The following SLC17A1 variants were observed in gnomAD, a reference collection of about 807,000 sequenced individuals.
SLC17A1 encodes the protein solute carrier family 17 member 1.
A neutral mutation model predicts 53.5 loss-of-function variants in SLC17A1; 51 were observed. That is an observed-to-expected ratio of 0.95 (90% CI 0.76 to 1.20). SLC17A1 has a LOEUF of 1.20. Ranked by LOEUF, SLC17A1 falls within the 50% of genes most tolerant of loss-of-function variation. The pLI is 0.00. For synonymous variants in SLC17A1, 179 were observed against 198.8 expected, an observed-to-expected ratio of 0.90 and a Z score of 0.84; for missense variants, 538 against 568.2, an observed-to-expected ratio of 0.95 and a Z score of 0.54.
At chr6:25,801,534 C>T (rs1763760463) in intron 10 of SLC17A1, among the ~76,000 whole-genome samples, 1 of 152,206 alleles carries the variant, frequency 6.6e-6, no homozygotes, top group African/African-American at 2.4e-5. Flanking sequence ...TCAAACCCAT[C>T]AGCCATGAAG....
At chr6:25,773,339 T>A in the SLC17A1 span, 1 of 1,614,020 alleles carries the variant, frequency 6.2e-7, no homozygotes, top group Non-Finnish European at 8.5e-7. Flanking sequence ...CTGTGAATCA[T>A]CCCTTTATCA....
intron 12 of SLC17A1, among the ~76,000 whole-genome samples, chr6:25,792,308 T>C (rs541164871): frequency 6.6e-6 from 1 of 152,316 alleles, no homozygotes; most frequent in Non-Finnish European, 1.5e-5. Context: ...TTTCCATTTT[T>C]TATTTACATA....
At chr6:25,775,638 G>C in the SLC17A1 span, among the ~76,000 whole-genome samples, 1 of 151,960 alleles carries the variant, frequency 6.6e-6, no homozygotes, top group South Asian at 2.1e-4. Flanking sequence ...ATATTGGCTA[G>C]GCTGGTCTCG....
chr6:25,734,439 G>C, the SLC17A1 span, among the ~76,000 whole-genome samples: 1 of 152,062 alleles, frequency 6.6e-6, no homozygotes, highest in Non-Finnish European at 1.5e-5. Context: ...CAAATATCAG[G>C]CTTCTTCTTA....
chr6:25,740,517 A>T, the SLC17A1 span, among the ~76,000 whole-genome samples: 3 of 152,322 alleles, frequency 2.0e-5, no homozygotes, highest in Non-Finnish European at 4.4e-5. Context: ...GGGTGGTTTA[A>T]AATTACAATA....
At chr6:25,726,807 G>A in the SLC17A1 span, 41 of 1,381,204 alleles carry the variant, frequency 3.0e-5, no homozygotes, top group African/African-American at 4.3e-5. Context: ...TTGGAGCTGA[G>A]GTCATTTGGA....
At chr6:25,747,602 A>G in the SLC17A1 span, among the ~76,000 whole-genome samples, 1 of 152,222 alleles carries the variant, frequency 6.6e-6, no homozygotes, top group African/African-American at 2.4e-5. Context: ...TAAAATCCTA[A>G]CCACCAACGG....
chr6:25,740,997 A>T, the SLC17A1 span, among the ~76,000 whole-genome samples: 1 of 152,204 alleles, frequency 6.6e-6, no homozygotes, highest in African/African-American at 2.4e-5. Context: ...AGGTAAAATT[A>T]TGGTTACCAG....
the SLC17A1 span, chr6:25,773,564 C>G: frequency 6.2e-7 from 1 of 1,613,966 alleles, no homozygotes; most frequent in Non-Finnish European, 8.5e-7. Context: ...CAAATCCTTA[C>G]CACTCTGGGC....
At chr6:25,727,413 T>TG in the SLC17A1 span, 3 of 867,698 alleles carry the variant, frequency 3.5e-6, no homozygotes, top group East Asian at 8.5e-5. Flanking sequence ...TTTTTTTTTT[T>TG]GAGGCGGAGT....
At chr6:25,747,778 C>T in the SLC17A1 span, among the ~76,000 whole-genome samples, 5 of 152,158 alleles carry the variant, frequency 3.3e-5, no homozygotes, top group Non-Finnish European at 7.4e-5. Flanking sequence ...GGAAGTGGGC[C>T]CTCATCAGAT....
chr6:25,747,743 G>A, the SLC17A1 span, among the ~76,000 whole-genome samples: 1 of 152,190 alleles, frequency 6.6e-6, no homozygotes, highest in Non-Finnish European at 1.5e-5. Context: ...CTTTGGAGTT[G>A]GAGAAGACAG....
chr6:25,762,175 T>A, the SLC17A1 span: 5 of 731,450 alleles, frequency 6.8e-6, no homozygotes, highest in African/African-American at 8.9e-5. Flanking sequence ...TTTTCCTTGC[T>A]ACCACCAATT....
At chr6:25,806,705 G>A (rs971263936) in intron 10 of SLC17A1, among the ~76,000 whole-genome samples, 1 of 152,068 alleles carries the variant, frequency 6.6e-6, no homozygotes, top group Non-Finnish European at 1.5e-5. Context: ...AAAAGATCCT[G>A]TACAGCAAAA....
chr6:25,754,338 T>C, the SLC17A1 span, among the ~76,000 whole-genome samples: 5 of 152,084 alleles, frequency 3.3e-5, no homozygotes, highest in Admixed American at 1.3e-4. Context: ...ATGTATTAAG[T>C]CTCTCCTCTT....
the SLC17A1 span, among the ~76,000 whole-genome samples, chr6:25,737,753 TAAC>T: frequency 3.3e-5 from 5 of 152,276 alleles, no homozygotes; most frequent in Admixed American, 2.6e-4. Context: ...CAAAATATAA[TAAC>T]AAAAATTAGG....
At chr6:25,726,390 T>C in the SLC17A1 span, 2 of 1,614,056 alleles carry the variant, frequency 1.2e-6, no homozygotes, top group Non-Finnish European at 1.7e-6. Context: ...CTGGTGCGCC[T>C]GCCCCTATCC....
the SLC17A1 span, among the ~76,000 whole-genome samples, chr6:25,728,487 A>C: frequency 6.6e-6 from 1 of 152,100 alleles, no homozygotes. Flanking sequence ...CTTTTAACAA[A>C]ATTTTGGATA....
the SLC17A1 span, among the ~76,000 whole-genome samples, chr6:25,729,270 A>C: frequency 6.6e-6 from 1 of 152,244 alleles, no homozygotes; most frequent in Non-Finnish European, 1.5e-5. Context: ...TAAGTAATGC[A>C]ACCAAACAGG....
Sources: allele counts gnomAD v4.1 joint callset (sites outside exome capture counted in the v4.1 genomes callset), GRCh38; gene constraint gnomAD v4.1.1; transcripts MANE v1.5; gene names NCBI Gene and HGNC (gene_info 2026-07-23, HGNC 2026-07-21).